The following RTN1 variants were observed in gnomAD, a reference collection of about 807,000 sequenced individuals.
RTN1 encodes the protein reticulon-1.
A neutral mutation model predicts 65.5 loss-of-function variants in RTN1; 25 were observed. That is an observed-to-expected ratio of 0.38 (90% CI 0.28 to 0.53). RTN1 has a LOEUF of 0.53. RTN1 is among the 20% of genes least tolerant of loss of function. RTN1 has a pLI of 0.79. For missense variants in RTN1, 983 were observed against 1,025.4 expected, an observed-to-expected ratio of 0.96 and a Z score of 0.57; for synonymous variants, 471 against 447.6, an observed-to-expected ratio of 1.05 and a Z score of -0.66.
intron 3 of RTN1, among the ~76,000 whole-genome samples, chr14:59,704,636 G>T (rs1363286349): frequency 6.6e-6 from 1 of 152,194 alleles, no homozygotes. Context: ...ATTGTGCTGT[G>T]CAGACAGAAG....
intron 3 of RTN1, among the ~76,000 whole-genome samples, chr14:59,665,975 C>A (rs1201610023): frequency 6.6e-6 from 1 of 152,104 alleles, no homozygotes; most frequent in African/African-American, 2.4e-5. Flanking sequence ...GACTTAGACG[C>A]CCACGCAATA....
chr14:59,739,733 A>G (rs1413606107), intron 2 of RTN1, among the ~76,000 whole-genome samples: 2 of 152,146 alleles, frequency 1.3e-5, no homozygotes, highest in Non-Finnish European at 2.9e-5. Flanking sequence ...TGAGAAAAAG[A>G]GGGGTTTCAA....
intron 1 of RTN1, among the ~76,000 whole-genome samples, chr14:59,773,276 GA>G (rs545013521): frequency 6.6e-6 from 1 of 151,438 alleles, no homozygotes; most frequent in Non-Finnish European, 1.5e-5. Context: ...AGTTACATTA[GA>G]AAAAAAATTC....
chr14:59,745,900 G>A lies in RTN1; in HGVS notation c.823C>T (p.Pro275Ser). 3.7e-6 allele frequency: 6 copies of A among 1,614,092 alleles called. No homozygotes were observed. Among genetic ancestry groups the A allele is most frequent in the Non-Finnish European group, 5.1e-6 (6 of 1,180,008 alleles). The change falls in exon 2 of 9, where the codon CCT becomes TCT. Residue 275 changes from proline (P) to serine (S), a missense_variant. Physicochemically the swap from Pro to Ser is moderately conservative, Grantham distance 74. Transcript: ENST00000267484. Reference sequence around the variant, plus strand: ...ATTTTGACAGGGGTGGTGATCTGAGGAGCCCTGCGCTGTTCTTCAGAGAGA... The same window carrying A: ...ATTTTGACAGGGGTGGTGATCTGAGAAGCCCTGCGCTGTTCTTCAGAGAGA... ...DDLSEEQRRA[P>S]QITTPVKITL...
At chr14:59,824,601 C>A (rs1886998863) in intron 1 of RTN1, among the ~76,000 whole-genome samples, 1 of 152,204 alleles carries the variant, frequency 6.6e-6, no homozygotes, top group South Asian at 2.1e-4. Flanking sequence ...CCCCTTGCTT[C>A]CCTTTGGCCA....
At chr14:59,792,864 A>AT (rs796501635) in intron 1 of RTN1, among the ~76,000 whole-genome samples, 54 of 152,190 alleles carry the variant, frequency 3.5e-4, no homozygotes, top group African/African-American at 1.2e-3. Context: ...TTAAAAAGCA[A>AT]TTTTTTGTGT....
intron 1 of RTN1, among the ~76,000 whole-genome samples, chr14:59,798,587 T>A (rs942234173): frequency 6.6e-6 from 1 of 152,140 alleles, no homozygotes; most frequent in Admixed American, 6.5e-5. Context: ...TCTCTCTCTC[T>A]GATTAGGATC....
chr14:59,632,193 G>A (rs939584336), intron 3 of RTN1, among the ~76,000 whole-genome samples: 1 of 152,162 alleles, frequency 6.6e-6, no homozygotes, highest in African/African-American at 2.4e-5. Context: ...TTAATGGGGT[G>A]TCAGAGCTCC....
intron 1 of RTN1, among the ~76,000 whole-genome samples, chr14:59,791,237 T>C (rs908876914): frequency 1.3e-5 from 2 of 152,200 alleles, no homozygotes; most frequent in Admixed American, 1.3e-4. Context: ...TGTGTTTTCT[T>C]TTCCTTGCTC....
chr14:59,750,184 T>TTATAGATA (rs1885434329), intron 1 of RTN1, among the ~76,000 whole-genome samples: 2 of 21,814 alleles, frequency 9.2e-5, no homozygotes, highest in African/African-American at 3.3e-4. Context: ...TAATATATAA[T>TTATAGATA]ACATATATTA....
intron 3 of RTN1, among the ~76,000 whole-genome samples, chr14:59,695,154 G>T (rs992089669): frequency 6.6e-6 from 1 of 152,136 alleles, no homozygotes; most frequent in African/African-American, 2.4e-5. Context: ...ATGGGGTGAG[G>T]GTGGTAGGTA....
At chr14:59,636,314 G>A (rs1334056008) in intron 3 of RTN1, among the ~76,000 whole-genome samples, 1 of 152,104 alleles carries the variant, frequency 6.6e-6, no homozygotes, top group Non-Finnish European at 1.5e-5. Context: ...CAGTTCATAT[G>A]AGGTGTGGTT....
intron 3 of RTN1, among the ~76,000 whole-genome samples, chr14:59,633,156 T>A (rs1215225796): frequency 6.6e-6 from 1 of 152,188 alleles, no homozygotes; most frequent in African/African-American, 2.4e-5. Flanking sequence ...TTTTCATTCA[T>A]ACTAAGTGTG....
At chr14:59,762,254 C>T (rs2080857187) in intron 1 of RTN1, among the ~76,000 whole-genome samples, 1 of 152,190 alleles carries the variant, frequency 6.6e-6, no homozygotes, top group African/African-American at 2.4e-5. Context: ...CCCATCAAAT[C>T]AGTGACCTTT....
intron 1 of RTN1, among the ~76,000 whole-genome samples, chr14:59,754,731 A>T (rs7144616): frequency 0.37 from 56,293 of 151,922 alleles, 10,576 homozygotes; most frequent in Admixed American, 0.45. Flanking sequence ...CATCTCCAAC[A>T]TATTACCATC....
rs75729407 is a variant in RTN1, at chr14:59,727,128, G to A, written c.1556C>T (p.Pro519Leu). ...RAPSRRGLAE[P>L]GSFLDYPSTE... Reference sequence around the variant, plus strand: ...TGAGGGGTAGTCGAGGAAGGAACCCGGCTCGGCCAGGCCCCGCCGGCTTGG... The same window carrying A: ...TGAGGGGTAGTCGAGGAAGGAACCCAGCTCGGCCAGGCCCCGCCGGCTTGG... The change falls in exon 3 of 9, where the codon CCG (proline) becomes CTG (leucine). Residue 519 changes from proline to leucine, a missense_variant. Coordinates refer to ENST00000267484, the MANE Select transcript of RTN1 (RefSeq NM_021136.3). This position sits in a 1 kb window ranked among gnomAD's most constrained non-coding sequence, Gnocchi z 4.2. 76 of 1,605,758 alleles carry A rather than the reference G, an allele frequency of 4.7e-5. 1 individual carries two copies. The East Asian group carries it at 1.5e-3, about 32-fold the overall frequency.
intron 3 of RTN1, among the ~76,000 whole-genome samples, chr14:59,690,158 G>A (rs1883931134): frequency 1.3e-5 from 2 of 151,874 alleles, no homozygotes; most frequent in South Asian, 4.1e-4. Context: ...TCACTTAAAA[G>A]GCACAGAGTG....
intron 2 of RTN1, among the ~76,000 whole-genome samples, chr14:59,745,198 C>A (rs1411409343): frequency 6.6e-6 from 1 of 152,206 alleles, no homozygotes; most frequent in African/African-American, 2.4e-5. Flanking sequence ...CACTAGCAAG[C>A]CAGAAAGCTT....
At chr14:59,827,050 CAT>C (rs967579407) in intron 1 of RTN1, among the ~76,000 whole-genome samples, 2 of 151,786 alleles carry the variant, frequency 1.3e-5, no homozygotes, top group African/African-American at 4.9e-5. Context: ...TCAACAAGGA[CAT>C]GTGTATATGT....
Sources: gnomAD v4.1 joint callset for allele counts (sites outside exome capture counted in the v4.1 genomes callset) on GRCh38, gnomAD v4.1.1 for gene constraint, Gnocchi (gnomAD v3.1) non-coding constraint, MANE v1.5 for transcripts, NCBI Gene and HGNC (gene_info 2026-07-23, HGNC 2026-07-21) for gene names.